The following SEMA6D variants were observed in gnomAD, a reference collection of about 807,000 sequenced individuals.
SEMA6D encodes semaphorin-6D.
SEMA6D carries 35 observed loss-of-function variants against 106.6 expected under a neutral mutation model. The observed-to-expected ratio is 0.33, with a 90% CI of 0.25 to 0.44. SEMA6D has a LOEUF of 0.44. SEMA6D is among the 20% of genes least tolerant of loss of function. The pLI is 1.00. For missense variants in SEMA6D, 1,185 were observed against 1,345.9 expected, an observed-to-expected ratio of 0.88 and a Z score of 1.87; for synonymous variants, 499 against 487.7, an observed-to-expected ratio of 1.02 and a Z score of -0.31.
chr15:47,249,565 A>C (rs747794903), intron 1 of SEMA6D, among the ~76,000 whole-genome samples: 2 of 152,016 alleles, frequency 1.3e-5, no homozygotes, highest in Non-Finnish European at 2.9e-5. Flanking sequence ...TGTTCTAAGA[A>C]AAGGTTCAAA....
intron 1 of SEMA6D, among the ~76,000 whole-genome samples, chr15:47,340,156 G>C (rs1273193700): frequency 2.0e-5 from 3 of 152,186 alleles, no homozygotes; most frequent in African/African-American, 7.2e-5. Context: ...GCAGGGCTGC[G>C]TGGATGGAGC....
chr15:47,683,828 GAAGACATTGTGTCTTC>G (rs1372208805), intron 4 of SEMA6D, among the ~76,000 whole-genome samples: 5 of 152,180 alleles, frequency 3.3e-5, no homozygotes, highest in African/African-American at 1.2e-4. Flanking sequence ...TGCACAATGG[GAAGACATTGTGTCTTC>G]ACTGAGTTCA....
rs78104531 is a variant in SEMA6D at position 47,428,646 on chromosome 15, G to A, written c.-159+16174G>A. On this transcript the variant is annotated intron_variant, in intron 2 of 19. Coordinates refer to the SEMA6D transcript ENST00000558014. Reference sequence around the variant, plus strand: ...AAAGATACCTGGCCATGATGGTGCCGGCCTGGAATCTCAGCTACTCAGGTG... The same window carrying A: ...AAAGATACCTGGCCATGATGGTGCCAGCCTGGAATCTCAGCTACTCAGGTG... Among the ~76,000 whole-genome samples the A allele has an allele frequency of 4.6e-3, 700 of 152,000 alleles. 5 individuals are homozygous for A. The highest frequency in any genetic ancestry group is 0.016 in the African/African-American group (668 of 41,472).
intron 4 of SEMA6D, among the ~76,000 whole-genome samples, chr15:47,698,594 C>T (rs2078746470): frequency 6.6e-6 from 1 of 152,166 alleles, no homozygotes; most frequent in Non-Finnish European, 1.5e-5. Flanking sequence ...TCCCTTCCTG[C>T]CTAGAAATCA....
intron 3 of SEMA6D, among the ~76,000 whole-genome samples, chr15:47,565,130 G>A (rs1566894360): frequency 6.6e-6 from 1 of 152,210 alleles, no homozygotes; most frequent in Non-Finnish European, 1.5e-5. Flanking sequence ...GGCCCACTGA[G>A]CTGCTAACAG....
chr15:47,457,283 T>G (rs912589701), intron 2 of SEMA6D, among the ~76,000 whole-genome samples: 1 of 151,502 alleles, frequency 6.6e-6, no homozygotes, highest in Non-Finnish European at 1.5e-5. Context: ...AATATAAAAT[T>G]CAAATGTCAA....
chr15:47,504,181 G>T (rs892268323), intron 3 of SEMA6D, among the ~76,000 whole-genome samples: 3 of 152,140 alleles, frequency 2.0e-5, no homozygotes, highest in Non-Finnish European at 4.4e-5. Context: ...TTGAAATAGG[G>T]GCTTCCCCTC....
intron 3 of SEMA6D, among the ~76,000 whole-genome samples, chr15:47,564,859 T>C (rs1048591583): frequency 1.3e-5 from 2 of 152,046 alleles, no homozygotes; most frequent in African/African-American, 4.8e-5. Flanking sequence ...AATCTAGACA[T>C]CGGGACAACT....
At chr15:47,215,859 G>A (rs2030541396) in intron 1 of SEMA6D, among the ~76,000 whole-genome samples, 1 of 152,166 alleles carries the variant, frequency 6.6e-6, no homozygotes, top group Non-Finnish European at 1.5e-5. Flanking sequence ...TGAGAAGCAT[G>A]TGAAGTACTG....
chr15:47,258,814 C>G (rs770231537), intron 1 of SEMA6D, among the ~76,000 whole-genome samples: 1 of 152,038 alleles, frequency 6.6e-6, no homozygotes, highest in African/African-American at 2.4e-5. Flanking sequence ...GGCTCTGTTT[C>G]TCTGGGGACT....
At chr15:47,706,412 A>G (rs2078913029) in intron 4 of SEMA6D, among the ~76,000 whole-genome samples, 2 of 152,224 alleles carry the variant, frequency 1.3e-5, no homozygotes, top group Non-Finnish European at 2.9e-5. Flanking sequence ...TATTTTTAAT[A>G]CAAAGGTTGC....
intron 3 of SEMA6D, among the ~76,000 whole-genome samples, chr15:47,472,092 G>A (rs1223572803): frequency 2.0e-5 from 3 of 152,072 alleles, no homozygotes; most frequent in Non-Finnish European, 2.9e-5. Context: ...TCAGCAAAAC[G>A]CAAGAAGGCA....
intron 3 of SEMA6D, among the ~76,000 whole-genome samples, chr15:47,549,627 T>G (rs960620968): frequency 8.2e-5 from 12 of 145,460 alleles, no homozygotes; most frequent in Non-Finnish European, 1.2e-4. Flanking sequence ...TCACCATGGG[T>G]TTTTTTTTGG....
intron 1 of SEMA6D, chr15:47,397,721 CTT>C (rs2040263076): frequency 6.6e-6 from 1 of 152,180 alleles, no homozygotes; most frequent in Admixed American, 6.5e-5. Context: ...TCAGATGAAA[CTT>C]CAGCATTTCC....
At chr15:47,248,547 A>G (rs970118689) in intron 1 of SEMA6D, among the ~76,000 whole-genome samples, 1 of 152,242 alleles carries the variant, frequency 6.6e-6, no homozygotes, top group Non-Finnish European at 1.5e-5. Flanking sequence ...TATGTTTGCT[A>G]TGATTTGCCT....
chr15:47,619,528 A>G (rs1462762579), intron 4 of SEMA6D, among the ~76,000 whole-genome samples: 1 of 152,194 alleles, frequency 6.6e-6, no homozygotes, highest in African/African-American at 2.4e-5. Flanking sequence ...TTTTCTTTTT[A>G]GCAGTGTTCC....
intron 2 of SEMA6D, among the ~76,000 whole-genome samples, chr15:47,426,716 A>G (rs566723093): frequency 5.9e-5 from 9 of 152,292 alleles, no homozygotes; most frequent in Admixed American, 2.6e-4. Context: ...TCTCACACAC[A>G]TACATATATA....
chr15:47,665,652 A>G (rs950131304), intron 4 of SEMA6D, among the ~76,000 whole-genome samples: 2 of 152,200 alleles, frequency 1.3e-5, no homozygotes, highest in African/African-American at 2.4e-5. Context: ...TCTACTAAAA[A>G]TACAAAAATT....
At chr15:47,238,125 C>T (rs917437728) in intron 1 of SEMA6D, among the ~76,000 whole-genome samples, 2 of 151,928 alleles carry the variant, frequency 1.3e-5, no homozygotes, top group African/African-American at 2.4e-5. Context: ...TTATTTTTGT[C>T]ATATTTTGCC....
Sources: gnomAD v4.1 joint callset for allele counts (sites outside exome capture counted in the v4.1 genomes callset) on GRCh38, gnomAD v4.1.1 for gene constraint, MANE v1.5 for transcripts, NCBI Gene and HGNC (gene_info 2026-07-23, HGNC 2026-07-21) for gene names.